RP1L1: variants seen among roughly 807,000 people sequenced by gnomAD.
The protein encoded by RP1L1 is retinitis pigmentosa 1-like 1 protein.
Under a neutral mutation model 15.7 loss-of-function variants are expected in RP1L1, and 27 were observed. That is an observed-to-expected ratio of 1.72 (90% confidence interval 1.27 to 2.38). The LOEUF (loss-of-function observed/expected upper bound fraction) is 2.38. Ranked by LOEUF, RP1L1 falls within the 30% of genes most tolerant of loss-of-function variation. RP1L1 has a pLI of 0.00. For missense variants in RP1L1, 4,798 were observed against 3,075.9 expected (o/e 1.56, Z -13.24); for synonymous variants, 1,813 against 1,276.7 (o/e 1.42, Z -8.96).
At chr8:10,638,925 A>T (rs1369677569) in intron 1 of RP1L1, among the ~76,000 whole-genome samples, 1 of 152,016 alleles carries the variant, frequency 6.6e-6, no homozygotes, top group Non-Finnish European at 1.5e-5. Flanking sequence ...CCAGCGGATC[A>T]CTTGAGGCCA....
rs1191218740 is a variant in RP1L1 at position 10,606,595 on chromosome 8, C to T, written c.*300G>A. ...TAAACTGGAGCCTTTCCAATCAGTT[C>T]CATCTTTCGGGCTCTGCAGACAAAT... is the stretch of plus-strand genomic sequence containing the variant. On this transcript the variant is annotated 3_prime_UTR_variant, in exon 4 of 4. Transcript: ENST00000382483. 1 of 421,152 alleles carries T rather than the reference C, an allele frequency of 2.4e-6. No homozygotes were observed. The highest frequency in any genetic ancestry group is 4.9e-5 in the East Asian group (1 of 20,482). The allele number at this position is 421,152 out of a possible 1,614,324, so 26.1% of individuals were successfully genotyped here.
intron 1 of RP1L1, among the ~76,000 whole-genome samples, chr8:10,639,538 A>C (rs1444609671): frequency 6.6e-6 from 1 of 152,032 alleles, no homozygotes; most frequent in Non-Finnish European, 1.5e-5. Flanking sequence ...ATACCCGGCT[A>C]ATTTTTGAAC....
chr8:10,623,794 T>A (rs777208853), intron 1 of RP1L1, among the ~76,000 whole-genome samples: 1 of 150,810 alleles, frequency 6.6e-6, no homozygotes, highest in African/African-American at 2.4e-5. Context: ...CAGCACCACA[T>A]GTCCCCAACA....
Position 10,608,154 on chromosome 8 carries a change from C to T in RP1L1, c.5944G>A (p.Val1982Ile), listed in dbSNP as rs1329812161. 3 of 1,612,868 alleles carry T rather than the reference C, an allele frequency of 1.9e-6. No individual in the cohort carries two copies. The highest frequency in any genetic ancestry group is 1.3e-5 in the African/African-American group (1 of 74,434). Residue 1982 changes from valine to isoleucine, a missense_variant, in exon 4 of 4, where the codon GTT becomes ATT. Physicochemically the swap from Val to Ile is conservative, Grantham distance 29. Coordinates refer to ENST00000382483, the MANE Select transcript of RP1L1 (RefSeq NM_178857.6). ...TCTGCCTCCTGGGTCTCCACTTCAA[C>T]CTCCAGGGCCTCTACATCTTCTGAC... ...PESEDVEALE[V>I]EVETQEAEGE...
At chr8:10,624,500 G>C (rs1396239535) in intron 1 of RP1L1, among the ~76,000 whole-genome samples, 3 of 152,224 alleles carry the variant, frequency 2.0e-5, no homozygotes, top group Admixed American at 1.3e-4. Context: ...CTGAGCTGAA[G>C]CCTAAAAACA....
chr8:10,634,634 G>A (rs1481714514), intron 1 of RP1L1, among the ~76,000 whole-genome samples: 1 of 152,196 alleles, frequency 6.6e-6, no homozygotes, highest in Non-Finnish European at 1.5e-5. Context: ...TTTGGCAGAA[G>A]AGTGCCAATC....
chr8:10,648,357 T>C (rs1381248754), intron 1 of RP1L1, among the ~76,000 whole-genome samples: 1 of 152,068 alleles, frequency 6.6e-6, no homozygotes, highest in Non-Finnish European at 1.5e-5. Context: ...TTTGTTTGTT[T>C]GTTTGTTTTT....
Position 10,611,601 on chromosome 8 carries a change from G to A in RP1L1, c.2497C>T (p.Pro833Ser), listed in dbSNP as rs776782245. 6.2e-7 allele frequency: 1 copy of A among 1,612,068 alleles called. No individual in the cohort carries two copies. The highest frequency in any genetic ancestry group is 1.3e-5 in the African/African-American group (1 of 75,056). ...GGTCCCCGCTGGGCCTCTTGGGCCG[G>A]CTGCGTCCCAGGCTGTGAGCAGCAG... ...SHCCSQPGTQ[P>S]AQEAQRGPSP... Residue 833 changes from proline to serine, a missense_variant, in exon 4 of 4, where the codon CCG (proline) becomes TCG (serine). Coordinates refer to ENST00000382483, the MANE Select transcript of RP1L1 (RefSeq NM_178857.6).
rs1208319411 is a variant in RP1L1 at position 10,622,604 on chromosome 8, T to C, written c.598A>G (p.Ser200Gly). Residue 200 changes from serine (S) to glycine (G), a missense_variant, in exon 2 of 4, where the codon AGC becomes GGC. Physicochemically the swap from Ser to Gly is moderately conservative, Grantham distance 56. Transcript: ENST00000382483. ...RFPVKQLYTT[S>G]GKKVDSLQAL... is the part of the protein sequence containing the mutation. ...CCCCAACAGCCTACCTTTTTCCCGC[T>C]GGTCGTGTACAACTGCTTCACAGGA... is the stretch of plus-strand genomic sequence containing the variant. The C allele has an allele frequency of 1.2e-6, 2 of 1,614,132 alleles. No homozygotes were observed. The highest frequency in any genetic ancestry group is 3.3e-5 in the Admixed American group (2 of 60,012).
In RP1L1 at chr8:10,623,224, T is replaced by C. The variant is rs1473842878; in HGVS notation, c.-19-4A>G. ...CATGGTGTGGGGGCTCTGGCCGCTG[T>C]AACAGGGCAGAGGAAGAGGGGTCAG... On this transcript the variant is annotated splice_region_variant and splice_polypyrimidine_tract_variant and intron_variant, in intron 1 of 3. Transcript: ENST00000382483. The C allele has an allele frequency of 1.3e-6, 2 of 1,526,438 alleles. No homozygotes were observed. The highest frequency in any genetic ancestry group is 8.8e-7 in the Non-Finnish European group (1 of 1,140,494). The allele number at this position is 1,526,438 out of a possible 1,614,324, so 94.6% of individuals were successfully genotyped here.
chr8:10,607,207 G>A lies in RP1L1; in HGVS notation c.6891C>T (p.Gly2297=), dbSNP rs752273515. The A allele has an allele frequency of 1.9e-6, 3 of 1,614,240 alleles. No homozygotes were observed. Among genetic ancestry groups the A allele is most frequent in the Non-Finnish European group, 2.5e-6 (3 of 1,180,046 alleles). ...TPHQRPGSQT[G]PSSSRASSWG... ...AAGAGGATGCTCTGGAGGAGGAAGG[G>A]CCTGTTTGGGAGCCTGGCCTTTGGT... Residue 2297 remains glycine, a synonymous_variant, in exon 4 of 4, where the codon GGC becomes GGT. Coordinates refer to ENST00000382483, the MANE Select transcript of RP1L1 (RefSeq NM_178857.6).
chr8:10,642,164 A>G (rs762924876), intron 1 of RP1L1, among the ~76,000 whole-genome samples: 2 of 152,256 alleles, frequency 1.3e-5, no homozygotes, highest in Non-Finnish European at 2.9e-5. Context: ...AATTATCTCA[A>G]AATGAAAGGT....
intron 1 of RP1L1, among the ~76,000 whole-genome samples, chr8:10,632,660 G>A (rs1798270007): frequency 6.6e-6 from 1 of 152,206 alleles, no homozygotes; most frequent in South Asian, 2.1e-4. Flanking sequence ...GCTCCCCAGT[G>A]GGCAGCACAG....
Position 10,610,902 on chromosome 8 carries a change from C to T in RP1L1, c.3196G>A (p.Ala1066Thr). The T allele has an allele frequency of 6.2e-7, 1 of 1,610,930 alleles. No homozygotes were observed. The highest frequency in any genetic ancestry group is 8.5e-7 in the Non-Finnish European group (1 of 1,179,112). ...GCCCGCAGGCTCACCCTGCAGCCTG[C>T]TGGGGCCTCTCTGTCTGCTCCGGCC... ...AEAGADREAP[A>T]GCRVSLRALP... The change falls in exon 4 of 4, where the codon GCA becomes ACA. Residue 1066 changes from alanine to threonine, a missense_variant. Physicochemically the swap from Ala to Thr is moderately conservative, Grantham distance 58. Coordinates refer to ENST00000382483, the MANE Select transcript of RP1L1 (RefSeq NM_178857.6).
rs763480431 is a variant in RP1L1, at chr8:10,610,667, G to C, written c.3431C>G (p.Ser1144Cys). 32 of 1,612,094 alleles carry C rather than the reference G, an allele frequency of 2.0e-5. No homozygotes were observed. The highest frequency in any genetic ancestry group is 2.5e-5 in the Non-Finnish European group (29 of 1,179,194). Residue 1144 changes from serine to cysteine, a missense_variant, in exon 4 of 4, where the codon TCC (serine) becomes TGC (cysteine). Ser to Cys is a moderately radical substitution (Grantham distance 112). Transcript: ENST00000382483. Reference sequence around the variant, plus strand: ...GCTGAGCAGCTCCTGGTACCGAGGGGAGTCTTTGAACCTCACTTTGCTGGC... The same window carrying C: ...GCTGAGCAGCTCCTGGTACCGAGGGCAGTCTTTGAACCTCACTTTGCTGGC... Reference protein sequence around the residue: ...SPASKVRFKDSPRYQELLSIS... With the variant: ...SPASKVRFKDCPRYQELLSIS...
chr8:10,624,623 G>C (rs796720568), intron 1 of RP1L1, among the ~76,000 whole-genome samples: 14 of 152,316 alleles, frequency 9.2e-5, no homozygotes, highest in African/African-American at 3.4e-4. Flanking sequence ...GGGAGGAGAA[G>C]GTTGGAGGCT....
chr8:10,635,305 G>A (rs1390919639), intron 1 of RP1L1, among the ~76,000 whole-genome samples: 1 of 152,100 alleles, frequency 6.6e-6, no homozygotes, highest in African/African-American at 2.4e-5. Flanking sequence ...TCTCTAAGAG[G>A]GGACCCTTCT....
At chr8:10,645,732 G>C (rs146137220) in intron 1 of RP1L1, among the ~76,000 whole-genome samples, 29 of 152,090 alleles carry the variant, frequency 1.9e-4, no homozygotes, top group Admixed American at 1.5e-3. Context: ...CCAAGCAAAC[G>C]GACACCTGCG....
chr8:10,633,345 C>A (rs1798280869), intron 1 of RP1L1, among the ~76,000 whole-genome samples: 1 of 152,212 alleles, frequency 6.6e-6, no homozygotes, highest in South Asian at 2.1e-4. Flanking sequence ...GGCAAGAAGC[C>A]TGACAAGGCA....
Sources: allele counts gnomAD v4.1 joint callset (sites outside exome capture counted in the v4.1 genomes callset), GRCh38; gene constraint gnomAD v4.1.1; transcripts MANE v1.5; gene names NCBI Gene and HGNC (gene_info 2026-07-23, HGNC 2026-07-21).